Variants in KIF11 observed in about 807,000 individuals in gnomAD.
The protein encoded by KIF11 is kinesin-like protein KIF11.
KIF11 carries 9 observed loss-of-function variants against 121.0 expected under a neutral mutation model. The ratio of observed to expected loss-of-function variants is 0.07; its 90% confidence interval spans 0.04 to 0.13. The LOEUF (loss-of-function observed/expected upper bound fraction) is 0.13, where lower values mean the gene tolerates loss of function less well. KIF11 is among the 10% of genes least tolerant of loss of function. The pLI is 1.00. For synonymous variants in KIF11, 408 were observed against 421.0 expected, an observed-to-expected ratio of 0.97 and a Z score of 0.38; for missense variants, 846 against 1,217.5, an observed-to-expected ratio of 0.69 and a Z score of 4.54.
In KIF11 at chr10:92,637,247, A is replaced by C; in HGVS notation, c.1939A>C (p.Ile647Leu). The C allele has an allele frequency of 6.3e-7, 1 of 1,589,664 alleles. No homozygotes were observed. Among genetic ancestry groups the C allele is most frequent in the Non-Finnish European group, 8.5e-7 (1 of 1,174,304 alleles). The change falls in exon 15 of 22, where the codon ATA (isoleucine) becomes CTA (leucine). Residue 647 changes from isoleucine (I) to leucine (L), a missense_variant. Physicochemically the swap from Ile to Leu is conservative, Grantham distance 5 (BLOSUM62 2). Transcript: ENST00000260731. ...GATTTTATCCCCAACTGTGGTGTCT[A>C]TACTGAAAATCAATAGTCAACTAAA... ...EMILSPTVVSILKINSQLKHI... is the reference protein window; with the variant it reads ...EMILSPTVVSLLKINSQLKHI...
intron 16 of KIF11, among the ~76,000 whole-genome samples, chr10:92,638,415 A>G (rs1310333380): frequency 1.3e-5 from 2 of 152,190 alleles, no homozygotes; most frequent in Non-Finnish European, 2.9e-5. Flanking sequence ...TTTTTTGGCA[A>G]CTTAAAACTG....
chr10:92,646,247 C>T (rs542353447), intron 18 of KIF11, among the ~76,000 whole-genome samples: 5 of 152,192 alleles, frequency 3.3e-5, no homozygotes, highest in African/African-American at 9.6e-5. Flanking sequence ...CCACTGCGCC[C>T]GGCCTATCTT....
chr10:92,593,491 T>C, intron 1 of KIF11, 39 bp downstream of exon 1: 2 of 1,567,406 alleles, frequency 1.3e-6, no homozygotes, highest in Non-Finnish European at 1.7e-6. Context: ...CGCTGCGGCT[T>C]CGCTGCTGGG....
intron 18 of KIF11, among the ~76,000 whole-genome samples, chr10:92,647,009 G>T (rs1011569196): frequency 6.6e-6 from 1 of 152,342 alleles, no homozygotes; most frequent in Non-Finnish European, 1.5e-5. Context: ...ATCAAAAGCT[G>T]TTGGGGAACT....
intron 10 of KIF11, among the ~76,000 whole-genome samples, chr10:92,622,164 C>T (rs1844624382): frequency 1.3e-5 from 2 of 152,266 alleles, no homozygotes; most frequent in Middle Eastern, 3.4e-3. Flanking sequence ...ATCATAGCTA[C>T]TCCAGAGGCT....
chr10:92,639,704 T>C, intron 16 of KIF11, 90 bp from the exon 17 acceptor site: 1 of 707,022 alleles, frequency 1.4e-6, no homozygotes. Flanking sequence ...TTCTCACCTA[T>C]GGACAATACT....
At chr10:92,652,917 G>T (rs1326813621) in intron 21 of KIF11, among the ~76,000 whole-genome samples, 5 of 152,152 alleles carry the variant, frequency 3.3e-5, no homozygotes, top group Non-Finnish European at 5.9e-5. Flanking sequence ...TTAAAAGTTG[G>T]TTTACAATTT....
chr10:92,646,830 G>C (rs537065334), intron 18 of KIF11, among the ~76,000 whole-genome samples: 1 of 152,284 alleles, frequency 6.6e-6, no homozygotes, highest in South Asian at 2.1e-4. Context: ...GCATCCATCT[G>C]TCTTTCCTAA....
In KIF11 at chr10:92,637,472, C is replaced by G; in HGVS notation, c.2087C>G (p.Ser696Cys). Residue 696 changes from serine to cysteine, a missense_variant, in exon 16 of 22, where the codon TCC becomes TGC. Around this residue, in one of 5 missense-constraint regions of KIF11, gnomAD observed 492 missense variants for 603.4 expected, o/e 0.82. Transcript: ENST00000260731. ...LHELQENTIC[S>C]LVESQKQCGN... ...GAACTACAAGAAAATACCATTTGTT[C>G]CTTGGTTGAGTCACAAAAGCAATGT... 7 of 1,607,878 alleles carry G rather than the reference C, an allele frequency of 4.4e-6. No homozygotes were observed. Among genetic ancestry groups the G allele is most frequent in the Non-Finnish European group, 5.9e-6 (7 of 1,178,574 alleles).
chr10:92,611,010 T>G (rs1215722822), intron 6 of KIF11, among the ~76,000 whole-genome samples: 2 of 152,152 alleles, frequency 1.3e-5, no homozygotes, highest in Non-Finnish European at 2.9e-5. Context: ...CACTAAAGTA[T>G]AAAATTTCTA....
chr10:92,606,908 G>T (rs1163256145), intron 3 of KIF11, among the ~76,000 whole-genome samples, 192 bp downstream of exon 3: 2 of 152,120 alleles, frequency 1.3e-5, no homozygotes, highest in Admixed American at 1.3e-4. Flanking sequence ...CTCCCAAGTA[G>T]CTGGGATTAC....
At chr10:92,630,764 G>T (rs971446103) in intron 12 of KIF11, among the ~76,000 whole-genome samples, 1 of 151,648 alleles carries the variant, frequency 6.6e-6, no homozygotes, top group South Asian at 2.1e-4. Context: ...TACTCGGGAA[G>T]GCTGAGGTGG....
intron 18 of KIF11, among the ~76,000 whole-genome samples, chr10:92,647,938 A>G (rs1293311525): frequency 6.6e-6 from 1 of 152,006 alleles, no homozygotes; most frequent in African/African-American, 2.4e-5. Context: ...GTGAAATGCC[A>G]TCTCTTCAAA....
chr10:92,650,494 A>G lies in KIF11; in HGVS notation c.3016A>G (p.Ile1006Val), dbSNP rs187743871. 165 of 1,611,040 alleles carry G rather than the reference A, an allele frequency of 1.0e-4. 1 individual carries two copies. The highest frequency in any genetic ancestry group is 4.0e-5 in the African/African-American group (3 of 74,976). The change falls in exon 21 of 22, where the codon ATT becomes GTT. Residue 1006 changes from isoleucine (I) to valine (V), a missense_variant. Ile to Val is a conservative substitution (Grantham distance 29). Coordinates refer to ENST00000260731, the MANE Select transcript of KIF11 (RefSeq NM_004523.4). ...SVDAGVDCSS[I>V]GGVPFFQHKK... ...AGATGCTGGTGTGGATTGTTCATCA[A>G]TTGGCGGGGTTCCATTTTTCCAGGT...
chr10:92,604,646 G>A (rs994175152), intron 1 of KIF11, among the ~76,000 whole-genome samples: 3 of 152,174 alleles, frequency 2.0e-5, no homozygotes, highest in Non-Finnish European at 4.4e-5. Context: ...TGTGCCAGGG[G>A]AAGTTGAGGT....
At chr10:92,626,731 A>G (rs1397800029) in intron 10 of KIF11, among the ~76,000 whole-genome samples, 1 of 152,136 alleles carries the variant, frequency 6.6e-6, no homozygotes, top group Non-Finnish European at 1.5e-5. Flanking sequence ...CGTTTTACAT[A>G]AAAGATCTAT....
chr10:92,624,161 A>G (rs941851635), intron 10 of KIF11, among the ~76,000 whole-genome samples: 4 of 146,746 alleles, frequency 2.7e-5, no homozygotes, highest in Admixed American at 6.8e-5. Context: ...TTCTGTTCCT[A>G]TGTTAGTTTG....
chr10:92,618,451 C>T (rs935625246), intron 9 of KIF11, among the ~76,000 whole-genome samples: 3 of 151,590 alleles, frequency 2.0e-5, no homozygotes, highest in African/African-American at 4.8e-5. Context: ...TCGAGACCAG[C>T]CTGGCTAACA....
intron 1 of KIF11, among the ~76,000 whole-genome samples, chr10:92,601,438 T>C (rs1844370111): frequency 6.6e-6 from 1 of 151,782 alleles, no homozygotes; most frequent in Admixed American, 6.6e-5. Context: ...CTCGATCTCC[T>C]GACCTCGCGA....
Sources: gnomAD v4.1 joint callset for allele counts (sites outside exome capture counted in the v4.1 genomes callset) on GRCh38, gnomAD v4.1.1 for gene constraint, gnomAD v4.1.1 regional missense constraint, MANE v1.5 for transcripts, NCBI Gene and HGNC (gene_info 2026-07-23, HGNC 2026-07-21) for gene names.